The following NACC2 variants were observed in gnomAD, a reference collection of about 807,000 sequenced individuals.
NACC2 encodes nucleus accumbens-associated protein 2.
In NACC2, 8 loss-of-function variants were observed where a neutral mutation model predicts 25.1. The observed-to-expected ratio is 0.32, with a 90% CI of 0.19 to 0.57. The LOEUF (loss-of-function observed/expected upper bound fraction) is 0.57, where lower values mean the gene tolerates loss of function less well. NACC2 is among the 20% of genes least tolerant of loss of function. The pLI, the probability that NACC2 is intolerant of heterozygous loss-of-function variation, is 0.89. For missense variants in NACC2, 644 were observed against 650.2 expected, an observed-to-expected ratio of 0.99 and a Z score of 0.10; for synonymous variants, 435 against 294.7, an observed-to-expected ratio of 1.48 and a Z score of -4.88.
chr9:136,088,785 T>C (rs1418942322), intron 1 of NACC2, among the ~76,000 whole-genome samples: 1 of 151,918 alleles, frequency 6.6e-6, no homozygotes, highest in Non-Finnish European at 1.5e-5. Context: ...GGCCTGGGCG[T>C]GGAGGGCGGG....
At chr9:136,088,362 T>C (rs1385121776) in intron 1 of NACC2, among the ~76,000 whole-genome samples, 12 of 151,926 alleles carry the variant, frequency 7.9e-5, no homozygotes, top group Admixed American at 7.2e-4. Flanking sequence ...CCTGCCTCTC[T>C]CCCCTAGGGC....
intron 1 of NACC2, among the ~76,000 whole-genome samples, chr9:136,059,944 G>T (rs1015776317): frequency 7.9e-5 from 12 of 152,202 alleles, no homozygotes; most frequent in African/African-American, 2.9e-4. Flanking sequence ...GCCGCACCCT[G>T]TCCCCTCCTC....
At chr9:136,033,940 T>TGTGTGTGTGTGTGTGTGA (rs1491487263) in intron 2 of NACC2, among the ~76,000 whole-genome samples, 1 of 144,672 alleles carries the variant, frequency 6.9e-6, no homozygotes, top group Admixed American at 7.0e-5. Flanking sequence ...TGTGTGTGTG[T>TGTGTGTGTGTGTGTGTGA]GAGATATTTG....
chr9:136,016,749 G>A (rs1840209178), intron 2 of NACC2, among the ~76,000 whole-genome samples: 1 of 152,326 alleles, frequency 6.6e-6, no homozygotes, highest in Middle Eastern at 3.4e-3. Flanking sequence ...TGACTCCTAG[G>A]AGGGTGCTAT....
chr9:136,046,033 T>C (rs916556363), intron 2 of NACC2, among the ~76,000 whole-genome samples: 9 of 152,068 alleles, frequency 5.9e-5, no homozygotes, highest in Non-Finnish European at 1.3e-4. Flanking sequence ...CCTGGGGGAA[T>C]GAAGGCGGGT....
At chr9:136,075,497 A>C (rs77393854) in intron 1 of NACC2, among the ~76,000 whole-genome samples, 2,980 of 152,372 alleles carry the variant, frequency 0.02, 81 homozygotes, top group African/African-American at 0.067. Flanking sequence ...CGTCTCCTAC[A>C]TCGCGGTACA....
intron 2 of NACC2, among the ~76,000 whole-genome samples, chr9:136,036,146 A>G (rs1840549034): frequency 6.6e-6 from 1 of 152,248 alleles, no homozygotes; most frequent in Admixed American, 6.5e-5. Flanking sequence ...AGAAAAGGAC[A>G]GATAACTCAC....
At chr9:136,093,852 T>A (rs1482809567) in intron 1 of NACC2, among the ~76,000 whole-genome samples, 2 of 152,066 alleles carry the variant, frequency 1.3e-5, no homozygotes, top group African/African-American at 4.8e-5. Context: ...AACCCTGACC[T>A]AACTCTAGGC....
At chr9:136,070,237 G>A (rs1486268016) in intron 1 of NACC2, among the ~76,000 whole-genome samples, 1 of 151,912 alleles carries the variant, frequency 6.6e-6, no homozygotes, top group Non-Finnish European at 1.5e-5. Flanking sequence ...GCCGGGCGTG[G>A]TGGCTCACGC....
At chr9:136,045,587 G>A (rs542095869) in intron 2 of NACC2, among the ~76,000 whole-genome samples, 8 of 152,142 alleles carry the variant, frequency 5.3e-5, no homozygotes, top group East Asian at 3.9e-4. Flanking sequence ...GCGCAGGTCC[G>A]GGCAGCCCCC....
chr9:136,027,476 A>G (rs973702069), intron 2 of NACC2, among the ~76,000 whole-genome samples: 4 of 152,206 alleles, frequency 2.6e-5, no homozygotes, highest in Admixed American at 2.6e-4. Flanking sequence ...GGGCTCAGGG[A>G]AAGTCTCAAC....
intron 5 of NACC2, 126 bp from the exon 6 acceptor site, chr9:136,012,150 C>T: frequency 8.3e-7 from 1 of 1,203,628 alleles, no homozygotes; most frequent in Non-Finnish European, 1.1e-6. Flanking sequence ...ATGTGACCAC[C>T]TGGGGCTCTC....
intron 5 of NACC2, among the ~76,000 whole-genome samples, chr9:136,012,274 C>T (rs1004038653): frequency 1.3e-5 from 2 of 152,244 alleles, no homozygotes; most frequent in African/African-American, 4.8e-5. Context: ...CAGCCTTGGC[C>T]GTCCGCCAGC....
intron 2 of NACC2, among the ~76,000 whole-genome samples, chr9:136,032,638 G>A (rs948795227): frequency 2.6e-5 from 4 of 152,164 alleles, no homozygotes; most frequent in African/African-American, 4.8e-5. Context: ...GGCTCACGTA[G>A]GTAATCCCAG....
In NACC2 at chr9:136,050,700, G is replaced by A. The variant is rs964295415; in HGVS notation, c.-59-120C>T. On this transcript the variant is annotated intron_variant, in intron 1 of 5. Transcript: ENST00000277554. ...TACAAAGAGCGAGCCTTCCGCACGC[G>A]CCCTCCCCCGCCCCTCCTGGCTGGG... 300 of 619,366 alleles carry A rather than the reference G, an allele frequency of 4.8e-4. 2 individuals are homozygous for A. The East Asian group carries it at 6.3e-3, about 13-fold the overall frequency. The allele number at this position is 619,366 out of a possible 1,614,324, so 38.4% of individuals were successfully genotyped here.
intron 1 of NACC2, among the ~76,000 whole-genome samples, chr9:136,070,369 G>A (rs761279066): frequency 1.3e-5 from 2 of 151,794 alleles, no homozygotes; most frequent in South Asian, 2.1e-4. Context: ...TTAGCCGGGC[G>A]TGGTGGTGGG....
chr9:136,040,962 G>GGAAA lies in NACC2; in HGVS notation c.886+8670_886+8673dup, dbSNP rs1269516144. On this transcript the variant is annotated intron_variant, in intron 2 of 5. Coordinates refer to ENST00000277554, the MANE Select transcript of NACC2 (RefSeq NM_144653.5). ...GGCGACAGAGTGAGAGTGAGACCCT[G>GGAAA]GAAAGAAAGAAAGAAAGAAAAGGAA... 1.1e-4 allele frequency among the ~76,000 whole-genome samples: 16 copies of GGAAA among 143,570 alleles called. No homozygotes were observed. In the East Asian group the frequency reaches 1.4e-3, roughly 13 times the overall value. 94.2% of individuals were successfully genotyped at this position (143,570 alleles called of 152,430 possible).
intron 1 of NACC2, among the ~76,000 whole-genome samples, chr9:136,058,517 C>T (rs1355088536): frequency 6.6e-6 from 1 of 152,200 alleles, no homozygotes; most frequent in Non-Finnish European, 1.5e-5. Context: ...CTCAGCTCTT[C>T]AGAAAGATGG....
rs1840238967 is a variant in NACC2 at position 136,018,646 on chromosome 9, G to A, written c.887-2217C>T. Among the ~76,000 whole-genome samples, 1 of 152,016 alleles carries A rather than the reference G, an allele frequency of 6.6e-6. No homozygotes were observed. The highest frequency in any genetic ancestry group is 6.5e-5 in the Admixed American group (1 of 15,268). ...CTGCAACAGAACAGAGGCCAGAAAG[G>A]GGGCCTCAAAGGTGGGTGCACAGCC... On this transcript the variant is annotated intron_variant, in intron 2 of 5. Transcript: ENST00000277554. This position sits in a 1 kb window ranked among gnomAD's most constrained non-coding sequence, Gnocchi z 4.4.
Sources: gnomAD v4.1 joint callset for allele counts (sites outside exome capture counted in the v4.1 genomes callset) on GRCh38, gnomAD v4.1.1 for gene constraint, Gnocchi (gnomAD v3.1) non-coding constraint, MANE v1.5 for transcripts, NCBI Gene and HGNC (gene_info 2026-07-23, HGNC 2026-07-21) for gene names.